WDR31: variants seen among roughly 807,000 people sequenced by gnomAD.
The protein encoded by WDR31 is WD repeat-containing protein 31.
A neutral mutation model predicts 47.3 loss-of-function variants in WDR31; 30 were observed. The ratio of observed to expected loss-of-function variants is 0.63; its 90% confidence interval spans 0.47 to 0.86. The LOEUF is 0.86. Ranked by LOEUF, WDR31 falls within the 40% of genes least tolerant of loss-of-function variation. The pLI is 0.00. For synonymous variants in WDR31, 137 were observed against 159.4 expected, an observed-to-expected ratio of 0.86 and a Z score of 1.06; for missense variants, 406 against 442.9, an observed-to-expected ratio of 0.92 and a Z score of 0.75.
At chr9:113,321,422 G>A in intron 8 of WDR31, 89 bp downstream of exon 8, 2 of 1,321,964 alleles carry the variant, frequency 1.5e-6, no homozygotes, top group Middle Eastern at 2.0e-4. Context: ...GCAGAGCAAT[G>A]TGGAGAATCA....
intron 5 of WDR31, among the ~76,000 whole-genome samples, chr9:113,326,037 G>A (rs756496952): frequency 1.3e-5 from 2 of 151,976 alleles, no homozygotes; most frequent in Non-Finnish European, 2.9e-5. Context: ...TCAGCCTCTC[G>A]AGTAGCTGGG....
Position 113,313,759 on chromosome 9 carries a change from C to T in WDR31, c.*2990G>A, listed in dbSNP as rs1332597454. 6.6e-6 allele frequency: 1 copy of T among 152,156 alleles called. No homozygotes were observed. The highest frequency in any genetic ancestry group is 1.5e-5 in the Non-Finnish European group (1 of 68,036). The allele number at this position is 152,156 out of a possible 1,614,324, so 9.4% of individuals were successfully genotyped here. ...ATATATTTAGCCCTCTGTAGATGCT[C>T]AGTGACCGGGCTTCCTCTCCCACTA... is the stretch of plus-strand genomic sequence containing the variant. On this transcript the variant is annotated 3_prime_UTR_variant, in exon 11 of 11. Transcript: ENST00000374193.
Position 113,331,988 on chromosome 9 carries a change from G to A in WDR31, c.35C>T (p.Pro12Leu). The change falls in exon 3 of 11, where the codon CCT becomes CTT. Residue 12 changes from proline (P) to leucine (L), a missense_variant. Coordinates refer to ENST00000374193, the MANE Select transcript of WDR31 (RefSeq NM_001012361.4). Reference sequence around the variant, plus strand: ...AAACCTAAACGAAACCTTCTGTGGAGGAGCTTGTTTCAGTTGGCACCTGAG... The same window carrying A: ...AAACCTAAACGAAACCTTCTGTGGAAGAGCTTGTTTCAGTTGGCACCTGAG... ...LLLRCQLKQA[P>L]PQKVSFRFCV... The A allele has an allele frequency of 1.2e-6, 2 of 1,613,976 alleles. No individual in the cohort carries two copies. The highest frequency in any genetic ancestry group is 1.7e-4 in the Middle Eastern group (1 of 6,060).
chr9:113,334,730 T>G (rs10817482), intron 2 of WDR31, among the ~76,000 whole-genome samples: 3 of 91,476 alleles, frequency 3.3e-5, no homozygotes, highest in Non-Finnish European at 7.0e-5. Flanking sequence ...TTTTTTTTTG[T>G]ATTTTTAGTA....
chr9:113,315,309 T>C lies in WDR31; in HGVS notation c.*1440A>G, dbSNP rs182105005. 6.6e-6 allele frequency: 1 copy of C among 151,904 alleles called. No homozygotes were observed. The highest frequency in any genetic ancestry group is 1.5e-5 in the Non-Finnish European group (1 of 68,020). 9.4% of individuals were successfully genotyped at this position (151,904 alleles called of 1,614,324 possible). On this transcript the variant is annotated 3_prime_UTR_variant, in exon 11 of 11. Coordinates refer to ENST00000374193, the MANE Select transcript of WDR31 (RefSeq NM_001012361.4). ...TGGTGATTGAGGCTGCAGTTAGCCA[T>C]GATCACACCAAGAGAGGGAAGAAGG...
At chr9:113,338,253 G>A (rs1833758892) in intron 1 of WDR31, among the ~76,000 whole-genome samples, 1 of 152,162 alleles carries the variant, frequency 6.6e-6, no homozygotes. Flanking sequence ...TATGAATCTA[G>A]AGGATATTAA....
Position 113,314,630 on chromosome 9 carries a change from T to G in WDR31, c.*2119A>C, listed in dbSNP as rs539974237. The G allele has an allele frequency of 6.6e-6, 1 of 152,300 alleles. No individual in the cohort carries two copies. The highest frequency in any genetic ancestry group is 2.4e-5 in the African/African-American group (1 of 41,508). 9.4% of individuals were successfully genotyped at this position (152,300 alleles called of 1,614,324 possible). ...TGGCATTTACTTATTTATTTATTTA[T>G]TGAGATGGAGTTTCGCTCTTGTTGC... On this transcript the variant is annotated 3_prime_UTR_variant, in exon 11 of 11. Transcript: ENST00000374193.
At chr9:113,326,391 C>T (rs1833470032) in intron 5 of WDR31, among the ~76,000 whole-genome samples, 1 of 149,772 alleles carries the variant, frequency 6.7e-6, no homozygotes, top group African/African-American at 2.5e-5. Flanking sequence ...TCTTTCTTTT[C>T]TTTCTTTCCT....
rs1833176359 is a variant in WDR31 at position 113,315,674 on chromosome 9, T to G, written c.*1075A>C. 1 of 151,788 alleles carries G rather than the reference T, an allele frequency of 6.6e-6. No homozygotes were observed. The highest frequency in any genetic ancestry group is 2.1e-4 in the South Asian group (1 of 4,808). 9.4% of individuals were successfully genotyped at this position (151,788 alleles called of 1,614,324 possible). On this transcript the variant is annotated 3_prime_UTR_variant, in exon 11 of 11. Transcript: ENST00000374193. The stretch of plus-strand genomic sequence containing the variant: ...TTTTCCTGTATGTGGTTTTTTGTTT[T>G]TTTTTTTTTCAAGACAAGGTCTCAT...
intron 7 of WDR31, 124 bp downstream of exon 7, chr9:113,322,687 G>T: frequency 1.2e-6 from 1 of 862,392 alleles, no homozygotes; most frequent in Non-Finnish European, 1.8e-6. Flanking sequence ...AGCAGGTTAG[G>T]GGACAGCAAT....
chr9:113,317,930 T>C (rs1833244441), intron 10 of WDR31, among the ~76,000 whole-genome samples: 1 of 152,202 alleles, frequency 6.6e-6, no homozygotes, highest in Non-Finnish European at 1.5e-5. Flanking sequence ...TCACAAAAAA[T>C]CCTGAATATT....
intron 2 of WDR31, among the ~76,000 whole-genome samples, chr9:113,335,144 C>T (rs887264403): frequency 2.0e-5 from 3 of 152,124 alleles, no homozygotes; most frequent in African/African-American, 7.2e-5. Flanking sequence ...CCTCAACTAA[C>T]GAGGCTAGAA....
intron 1 of WDR31, among the ~76,000 whole-genome samples, chr9:113,337,335 GC>G (rs1305240150): frequency 1.6e-4 from 25 of 152,120 alleles, no homozygotes; most frequent in African/African-American, 6.0e-4. Context: ...TATTCCACAA[GC>G]CTCTGAGATA....
At chr9:113,318,384 T>C (rs1833253832) in intron 10 of WDR31, 91 bp downstream of exon 10, 2 of 1,490,720 alleles carry the variant, frequency 1.3e-6, no homozygotes, top group Admixed American at 1.7e-5. Context: ...ATGGGTGGCT[T>C]TGTAATGCTG....
Position 113,318,575 on chromosome 9 carries a change from G to A in WDR31, c.843C>T (p.Val281=), listed in dbSNP as rs760128011. ...CTCTTGGTAGAAAGACGCAGGATGC[G>A]ACAGTCTGGAAATGCCCCTTATACT... The part of the protein sequence containing the change: ...ICEYKGHFQT[V]ASCVFLPRAL... Residue 281 remains valine, a synonymous_variant, in exon 10 of 11, where the codon GTC becomes GTT. Coordinates refer to ENST00000374193, the MANE Select transcript of WDR31 (RefSeq NM_001012361.4). The A allele has an allele frequency of 9.9e-6, 16 of 1,614,082 alleles. No homozygotes were observed. The highest frequency in any genetic ancestry group is 2.2e-5 in the East Asian group (1 of 44,902).
chr9:113,318,441 A>G (rs1190545198), intron 10 of WDR31, 34 bp downstream of exon 10: 1 of 1,613,346 alleles, frequency 6.2e-7, no homozygotes, highest in South Asian at 1.1e-5. Flanking sequence ...GACTTCATGT[A>G]TCTTTTGAGG....
At position 113,314,826 on chromosome 9, in the gene WDR31, G is replaced by A. The variant is rs1257102870; in HGVS notation, c.*1923C>T. 1.3e-5 allele frequency: 2 copies of A among 151,948 alleles called. No homozygotes were observed. The highest frequency in any genetic ancestry group is 2.9e-5 in the Non-Finnish European group (2 of 68,038). The allele number at this position is 151,948 out of a possible 1,614,324, so 9.4% of individuals were successfully genotyped here. A position where few individuals can be genotyped will look rare whatever the true frequency, so the allele number is the denominator to read the frequency against. ...AGACGGGGTTTCTCCATGTTGGTCA[G>A]GCTGGTCTCAAACTCCTGACCTCAG... On this transcript the variant is annotated 3_prime_UTR_variant, in exon 11 of 11. Transcript: ENST00000374193.
intron 1 of WDR31, among the ~76,000 whole-genome samples, 151 bp from the exon 2 acceptor site, chr9:113,336,591 A>G (rs1223559868): frequency 6.6e-6 from 1 of 152,240 alleles, no homozygotes; most frequent in Non-Finnish European, 1.5e-5. Context: ...CTATAGTGTT[A>G]ATTATATATC....
intron 2 of WDR31, among the ~76,000 whole-genome samples, chr9:113,335,286 G>GA (rs1318900541): frequency 1.3e-5 from 2 of 152,210 alleles, no homozygotes; most frequent in East Asian, 1.9e-4. Context: ...GAAACCTGAA[G>GA]ATGTGACCAG....
Sources: allele counts gnomAD v4.1 joint callset (sites outside exome capture counted in the v4.1 genomes callset), GRCh38; gene constraint gnomAD v4.1.1; transcripts MANE v1.5; gene names NCBI Gene and HGNC (gene_info 2026-07-23, HGNC 2026-07-21).